The following CUX2 variants were observed in gnomAD, a reference collection of about 807,000 sequenced individuals.
CUX2 encodes cut like homeobox 2.
A neutral mutation model predicts 144.8 loss-of-function variants in CUX2; 40 were observed. The observed-to-expected ratio is 0.28, with a 90% CI of 0.21 to 0.36. The LOEUF (loss-of-function observed/expected upper bound fraction) is 0.36, where lower values mean the gene tolerates loss of function less well. Among genes scored for constraint, CUX2 ranks in the 10% least tolerant of loss-of-function variants. CUX2 has a pLI of 1.00. For synonymous variants in CUX2, 827 were observed against 875.6 expected (o/e 0.94, Z 0.98); for missense variants, 1,615 against 1,994.0 (o/e 0.81, Z 3.62).
chr12:111,056,126 G>C (rs1474376451), intron 1 of CUX2, among the ~76,000 whole-genome samples: 1 of 152,258 alleles, frequency 6.6e-6, no homozygotes, highest in African/African-American at 2.4e-5. Flanking sequence ...CTGGTGGACA[G>C]ATCCATGGAT....
chr12:111,199,757 T>C (rs1226858310), intron 1 of CUX2, among the ~76,000 whole-genome samples: 2 of 152,146 alleles, frequency 1.3e-5, no homozygotes, highest in African/African-American at 4.8e-5. Context: ...TGTCCCGGCG[T>C]CCCTGTATCT....
intron 18 of CUX2, among the ~76,000 whole-genome samples, chr12:111,325,654 GT>G (rs1373586850): frequency 3.7e-4 from 39 of 106,692 alleles, no homozygotes; most frequent in Non-Finnish European, 5.1e-4. Context: ...TGTTTATAGT[GT>G]TGTGGTGGGG....
At position 111,325,113 on chromosome 12, in the gene CUX2, T is replaced by G. The variant is rs1194668358; in HGVS notation, c.2926+2533T>G. On this transcript the variant is annotated intron_variant, in intron 18 of 21. Coordinates refer to ENST00000261726, the MANE Select transcript of CUX2 (RefSeq NM_015267.4). Reference sequence around the variant, plus strand: ...ATCCTGGCTAACTCGGTGAAACCCGTCTCTACTAAAATTACAAAAAAAAAA... The same window carrying G: ...ATCCTGGCTAACTCGGTGAAACCCGGCTCTACTAAAATTACAAAAAAAAAA... 3.4e-5 allele frequency among the ~76,000 whole-genome samples: 5 copies of G among 147,092 alleles called. No homozygotes were observed. In the Admixed American group the frequency reaches 3.4e-4, roughly 10 times the overall value.
chr12:111,287,247 G>A lies in CUX2; in HGVS notation c.302-4171G>A, dbSNP rs990001076. ...ACATCCTTTATCACCAAGTATAGTC[G>A]TTTGGCTCAATGGGCTCATGGCCAG... is the stretch of plus-strand genomic sequence containing the variant. On this transcript the variant is annotated intron_variant, in intron 4 of 21. Coordinates refer to ENST00000261726, the MANE Select transcript of CUX2 (RefSeq NM_015267.4). This position sits in a 1 kb window ranked among gnomAD's most constrained non-coding sequence, Gnocchi z 4.2. Among the ~76,000 whole-genome samples the A allele has an allele frequency of 7.9e-5, 12 of 152,208 alleles. No homozygotes were observed. The highest frequency in any genetic ancestry group is 2.1e-4 in the South Asian group (1 of 4,832).
intron 1 of CUX2, among the ~76,000 whole-genome samples, chr12:111,140,634 C>T (rs896692175): frequency 6.6e-6 from 1 of 152,152 alleles, no homozygotes; most frequent in Admixed American, 6.5e-5. Context: ...AAATATAGCC[C>T]CTGCACAGGC....
At chr12:111,347,041 ATT>A (rs1335527816) in intron 21 of CUX2, among the ~76,000 whole-genome samples, 1 of 152,328 alleles carries the variant, frequency 6.6e-6, no homozygotes, top group Non-Finnish European at 1.5e-5. Flanking sequence ...AATCATAATC[ATT>A]TATTTGATTT....
At chr12:111,043,424 A>G (rs959321690) in intron 1 of CUX2, among the ~76,000 whole-genome samples, 1 of 152,162 alleles carries the variant, frequency 6.6e-6, no homozygotes, top group African/African-American at 2.4e-5. Context: ...AGAAAGCAGT[A>G]TGGCCGGGAG....
intron 1 of CUX2, among the ~76,000 whole-genome samples, chr12:111,087,366 C>CAAAAAAAAAAAAA (rs1159500448): frequency 2.3e-3 from 105 of 44,962 alleles, no homozygotes; most frequent in Non-Finnish European, 4.4e-3. Flanking sequence ...GACTCCATCT[C>CAAAAAAAAAAAAA]AAAAAAAAAA....
intron 1 of CUX2, among the ~76,000 whole-genome samples, chr12:111,154,427 C>T (rs1457449375): frequency 6.6e-6 from 1 of 152,114 alleles, no homozygotes; most frequent in African/African-American, 2.4e-5. Context: ...CCTGGCGCCA[C>T]GATGTAATCA....
intron 3 of CUX2, among the ~76,000 whole-genome samples, chr12:111,243,162 A>G (rs1883115310): frequency 6.6e-6 from 1 of 152,216 alleles, no homozygotes; most frequent in Non-Finnish European, 1.5e-5. Context: ...TCCAGCATAC[A>G]AAAGTAAAGA....
At chr12:111,261,019 C>A (rs1007327753) in intron 3 of CUX2, among the ~76,000 whole-genome samples, 1 of 152,224 alleles carries the variant, frequency 6.6e-6, no homozygotes, top group African/African-American at 2.4e-5. Context: ...TCGCCCAGGG[C>A]AGCTGTAGTT....
Position 111,322,672 on chromosome 12 carries a change from T to A in CUX2, c.2926+92T>A. The A allele has an allele frequency of 1.4e-6, 2 of 1,460,614 alleles. No homozygotes were observed. The highest frequency in any genetic ancestry group is 9.3e-7 in the Non-Finnish European group (1 of 1,079,902). The allele number at this position is 1,460,614 out of a possible 1,614,324, so 90.5% of individuals were successfully genotyped here. ...CCTGGCTTTACTGCCCGAGTCTACC[T>A]ATCTCTCCCTCCCTGCTGCCCTGGC... On this transcript the variant is annotated intron_variant, in intron 18 of 21. Transcript: ENST00000261726. This position sits in a 1 kb window ranked among gnomAD's most constrained non-coding sequence, Gnocchi z 4.2.
At position 111,148,304 on chromosome 12, in the gene CUX2, T is replaced by A. The variant is rs146201232; in HGVS notation, c.64-65896T>A. ...AGGGACAAATACTGTATGATTCCAC[T>A]TACAGGAGGTCCCTAGAGTAGTCAA... On this transcript the variant is annotated intron_variant, in intron 1 of 21. Transcript: ENST00000261726. 8.9e-4 allele frequency among the ~76,000 whole-genome samples: 136 copies of A among 152,130 alleles called. 1 individual carries two copies. The highest frequency in any genetic ancestry group is 4.6e-3 in the East Asian group (24 of 5,168).
intron 1 of CUX2, among the ~76,000 whole-genome samples, chr12:111,069,283 C>G (rs1368531574): frequency 2.0e-5 from 3 of 152,064 alleles, no homozygotes; most frequent in Non-Finnish European, 4.4e-5. Context: ...CCAGGTTCAC[C>G]CTGGCTGACC....
chr12:111,085,850 C>G (rs915026817), intron 1 of CUX2, among the ~76,000 whole-genome samples: 3 of 152,236 alleles, frequency 2.0e-5, no homozygotes, highest in Non-Finnish European at 2.9e-5. Flanking sequence ...GCCATCTCCC[C>G]ACCTTCCAGC....
intron 21 of CUX2, among the ~76,000 whole-genome samples, chr12:111,346,934 C>T (rs1010074829): frequency 6.6e-6 from 1 of 152,170 alleles, no homozygotes; most frequent in Non-Finnish European, 1.5e-5. Flanking sequence ...ATTGCTTGAA[C>T]CCAGGAGGCA....
chr12:111,063,970 G>T (rs755805782), intron 1 of CUX2, among the ~76,000 whole-genome samples: 3 of 152,222 alleles, frequency 2.0e-5, no homozygotes, highest in Non-Finnish European at 4.4e-5. Context: ...CGGCAAGGTG[G>T]TGGGGACAGG....
Position 111,037,634 on chromosome 12 carries a change from A to G in CUX2, c.63+3394A>G, listed in dbSNP as rs532945179. ...AACGAGAAGAAATAAAATTCCATCC[A>G]AAGATAATGCTAGGCATATTTCATT... On this transcript the variant is annotated intron_variant, in intron 1 of 21. Transcript: ENST00000261726. This position sits in a 1 kb window ranked among gnomAD's most constrained non-coding sequence, Gnocchi z 5.4. Among the ~76,000 whole-genome samples, 3 of 152,364 alleles carry G rather than the reference A, an allele frequency of 2.0e-5. No individual in the cohort carries two copies. The highest frequency in any genetic ancestry group is 7.2e-5 in the African/African-American group (3 of 41,586).
At chr12:111,286,865 T>C (rs1348491744) in intron 4 of CUX2, among the ~76,000 whole-genome samples, 1 of 152,028 alleles carries the variant, frequency 6.6e-6, no homozygotes, top group Non-Finnish European at 1.5e-5. Context: ...CAAGACCTTG[T>C]CTCTAAATAA....
Sources: allele counts gnomAD v4.1 joint callset (sites outside exome capture counted in the v4.1 genomes callset), GRCh38; gene constraint gnomAD v4.1.1; non-coding constraint Gnocchi (gnomAD v3.1); transcripts MANE v1.5; gene names NCBI Gene and HGNC (gene_info 2026-07-23, HGNC 2026-07-21).